The following LMBRD1 variants were observed in gnomAD, a reference collection of about 807,000 sequenced individuals.
LMBRD1 encodes the protein lysosomal cobalamin transport escort protein LMBD1.
Under a neutral mutation model 74.8 loss-of-function variants are expected in LMBRD1, and 64 were observed. The observed-to-expected ratio is 0.86, with a 90% CI of 0.70 to 1.05. The LOEUF (loss-of-function observed/expected upper bound fraction) is 1.05. LMBRD1 is among the 50% of genes least tolerant of loss of function. The probability of loss-of-function intolerance (pLI) is 0.00; values close to 1 mark genes in which losing one functional copy is unlikely to be tolerated. For synonymous variants in LMBRD1, 204 were observed against 216.3 expected, an observed-to-expected ratio of 0.94 and a Z score of 0.50; for missense variants, 652 against 645.9, an observed-to-expected ratio of 1.01 and a Z score of -0.10.
rs779771467 is a variant in LMBRD1 at position 69,701,477 on chromosome 6, T to G, written c.1049A>C (p.Asn350Thr). The G allele has an allele frequency of 6.2e-7, 1 of 1,606,882 alleles. No homozygotes were observed. The highest frequency in any genetic ancestry group is 1.1e-5 in the South Asian group (1 of 90,776). The change falls in exon 11 of 16, where the codon AAT becomes ACT. Residue 350 changes from asparagine to threonine, a missense_variant. Around this residue, in one of 3 missense-constraint regions of LMBRD1, gnomAD observed 598 missense variants for 581.8 expected, o/e 1.03. Transcript: ENST00000649934. ...GFIIFGANLSNPLNMLLPLLQ... is the reference protein window; with the variant it reads ...GFIIFGANLSTPLNMLLPLLQ... ...TAAAGGCAAAAGCATATTCAGTGGA[T>G]TACTCAGGTTAGCTCCAAAAATTAT...
chr6:69,782,872 G>A (rs188374928), intron 2 of LMBRD1, among the ~76,000 whole-genome samples: 16 of 152,252 alleles, frequency 1.1e-4, no homozygotes, highest in African/African-American at 3.9e-4. Flanking sequence ...TGGGCCAAGA[G>A]TCCTTTACCC....
chr6:69,739,748 A>T (rs1767056507), intron 6 of LMBRD1, among the ~76,000 whole-genome samples: 1 of 120,720 alleles, frequency 8.3e-6, no homozygotes, highest in East Asian at 2.4e-4. Flanking sequence ...GCAATCAGTT[A>T]CAATGACTAT....
At chr6:69,750,428 A>G (rs1337018798) in intron 4 of LMBRD1, among the ~76,000 whole-genome samples, 2 of 152,056 alleles carry the variant, frequency 1.3e-5, no homozygotes, top group Non-Finnish European at 2.9e-5. Context: ...AGGCTAAGAA[A>G]AGCAAATAAA....
Position 69,713,813 on chromosome 6 carries a change from C to A in LMBRD1, c.763-16G>T. 3 of 1,612,874 alleles carry A rather than the reference C, an allele frequency of 1.9e-6. No homozygotes were observed. The highest frequency in any genetic ancestry group is 2.5e-6 in the Non-Finnish European group (3 of 1,179,270). On this transcript the variant is annotated splice_polypyrimidine_tract_variant and intron_variant, in intron 8 of 15. Coordinates refer to ENST00000649934, the MANE Select transcript of LMBRD1 (RefSeq NM_018368.4). The stretch of plus-strand genomic sequence containing the variant: ...CATCTTTGCTCTGCAAATAACAGAA[C>A]AAAATAAAAGTTTTACCATTAACAT...
At chr6:69,720,565 G>C (rs889202035) in intron 7 of LMBRD1, among the ~76,000 whole-genome samples, 6 of 151,996 alleles carry the variant, frequency 3.9e-5, no homozygotes, top group African/African-American at 1.5e-4. Flanking sequence ...GGTATATTTG[G>C]TATATTTTGG....
chr6:69,745,327 C>T (rs1241411713), intron 5 of LMBRD1, among the ~76,000 whole-genome samples: 1 of 149,404 alleles, frequency 6.7e-6, no homozygotes, highest in Non-Finnish European at 1.5e-5. Flanking sequence ...GGCGCAATCT[C>T]GGCTCACTGC....
Position 69,695,841 on chromosome 6 carries a change from CTTT to C in LMBRD1, c.1417+1719_1417+1721del, listed in dbSNP as rs70987485. Among the ~76,000 whole-genome samples, 170 of 140,546 alleles carry C rather than the reference CTTT, an allele frequency of 1.2e-3. 1 individual carries two copies. Among genetic ancestry groups the C allele is most frequent in the Admixed American group, 1.4e-3 (19 of 14,066 alleles). The allele number at this position is 140,546 out of a possible 152,430, so 92.2% of individuals were successfully genotyped here. On this transcript the variant is annotated intron_variant, in intron 14 of 15. Coordinates refer to ENST00000649934, the MANE Select transcript of LMBRD1 (RefSeq NM_018368.4). Reference sequence around the variant, plus strand: ...TTTTACAATTTTTCTAACCTTAGTACTTTTTTTTTTTTTTTTCCCTGAGACAGA... The same window carrying C: ...TTTTACAATTTTTCTAACCTTAGTACTTTTTTTTTTTTTCCCTGAGACAGA...
rs543080636 is a variant in LMBRD1, at chr6:69,735,065, G to T, written c.636+2877C>A. Among the ~76,000 whole-genome samples, 287 of 152,320 alleles carry T rather than the reference G, an allele frequency of 1.9e-3. 2 individuals carry two copies. Among genetic ancestry groups the T allele is most frequent in the African/African-American group, 6.4e-3 (267 of 41,576 alleles). ...GTATTGCAATTATTGTTATGCACTT[G>T]TATGTAGTATACTTCATGAATTTTT... is the stretch of plus-strand genomic sequence containing the variant. On this transcript the variant is annotated intron_variant, in intron 7 of 15. Transcript: ENST00000649934.
At chr6:69,739,173 C>T (rs1310648408) in intron 6 of LMBRD1, among the ~76,000 whole-genome samples, 1 of 152,058 alleles carries the variant, frequency 6.6e-6, no homozygotes, top group African/African-American at 2.4e-5. Flanking sequence ...ATCTCCAAAA[C>T]AGCGATGTAA....
At chr6:69,789,296 G>A (rs376561151) in intron 2 of LMBRD1, among the ~76,000 whole-genome samples, 2 of 152,116 alleles carry the variant, frequency 1.3e-5, no homozygotes, top group African/African-American at 2.4e-5. Flanking sequence ...GGCTGGGCAC[G>A]TGGATCACTC....
At chr6:69,712,653 T>C (rs1766408821) in intron 9 of LMBRD1, among the ~76,000 whole-genome samples, 1 of 152,084 alleles carries the variant, frequency 6.6e-6, no homozygotes, top group Non-Finnish European at 1.5e-5. Context: ...TGCACAATTC[T>C]TATGTGAGAC....
At chr6:69,753,162 A>G (rs1765200039) in intron 3 of LMBRD1, among the ~76,000 whole-genome samples, 1 of 152,216 alleles carries the variant, frequency 6.6e-6, no homozygotes. Context: ...ATATTTATCT[A>G]AATTCAATAT....
At chr6:69,737,102 C>T (rs539186349) in intron 7 of LMBRD1, among the ~76,000 whole-genome samples, 1 of 152,148 alleles carries the variant, frequency 6.6e-6, no homozygotes, top group African/African-American at 2.4e-5. Context: ...CGATAATAGC[C>T]ATTTCCTTTA....
intron 3 of LMBRD1, among the ~76,000 whole-genome samples, chr6:69,764,034 T>C (rs1038602853): frequency 3.8e-5 from 5 of 133,246 alleles, no homozygotes; most frequent in South Asian, 5.2e-4. Flanking sequence ...CTTTGTACTT[T>C]AGAGTTGATG....
intron 9 of LMBRD1, among the ~76,000 whole-genome samples, chr6:69,711,303 T>C (rs1435776660): frequency 1.3e-5 from 2 of 152,148 alleles, no homozygotes; most frequent in Non-Finnish European, 2.9e-5. Flanking sequence ...ACATCAATAA[T>C]TACCTAAAGT....
chr6:69,713,967 C>T (rs1766439371), intron 8 of LMBRD1, among the ~76,000 whole-genome samples, 170 bp from the exon 9 acceptor site: 1 of 151,930 alleles, frequency 6.6e-6, no homozygotes, highest in Non-Finnish European at 1.5e-5. Context: ...ATAGGATAAC[C>T]AAGGTCAGCA....
intron 1 of LMBRD1, among the ~76,000 whole-genome samples, chr6:69,795,000 G>T (rs1766181429): frequency 6.6e-6 from 1 of 152,156 alleles, no homozygotes; most frequent in African/African-American, 2.4e-5. Flanking sequence ...CTTTGGTGTA[G>T]TGTCAAAAAA....
chr6:69,787,854 A>G (rs1478001720), intron 2 of LMBRD1, among the ~76,000 whole-genome samples: 3 of 152,248 alleles, frequency 2.0e-5, no homozygotes, highest in African/African-American at 7.2e-5. Context: ...TTTAACAAAT[A>G]TAGTGTGTTA....
chr6:69,739,775 A>T (rs1767057878), intron 6 of LMBRD1, among the ~76,000 whole-genome samples: 1 of 151,304 alleles, frequency 6.6e-6, no homozygotes. Flanking sequence ...GTATCATAAG[A>T]TCTACACATT....
Sources: allele counts gnomAD v4.1 joint callset (sites outside exome capture counted in the v4.1 genomes callset), GRCh38; gene constraint gnomAD v4.1.1; regional missense constraint gnomAD v4.1.1; transcripts MANE v1.5; gene names NCBI Gene and HGNC (gene_info 2026-07-23, HGNC 2026-07-21).